NPAS3: variants seen among roughly 807,000 people sequenced by gnomAD.
NPAS3 encodes the protein neuronal PAS domain-containing protein 3.
A neutral mutation model predicts 73.1 loss-of-function variants in NPAS3; 14 were observed. The ratio of observed to expected loss-of-function variants is 0.19; its 90% confidence interval spans 0.13 to 0.30. NPAS3 has a LOEUF of 0.30. Ranked by LOEUF, NPAS3 falls within the 10% of genes least tolerant of loss-of-function variation. NPAS3 has a pLI of 1.00. For synonymous variants in NPAS3, 620 were observed against 541.5 expected, an observed-to-expected ratio of 1.14 and a Z score of -2.01; for missense variants, 1,096 against 1,250.0, an observed-to-expected ratio of 0.88 and a Z score of 1.86.
chr14:33,163,779 C>T lies in NPAS3; in HGVS notation c.141-51403C>T, dbSNP rs531050362. On this transcript the variant is annotated intron_variant, in intron 2 of 11. Transcript: ENST00000356141. ...TGCCAATTCTGCTGATGGGCTTACA[C>T]GCCATTAAGAGATTTTATTCCAGGC... Among the ~76,000 whole-genome samples, 18 of 152,134 alleles carry T rather than the reference C, an allele frequency of 1.2e-4. No individual in the cohort carries two copies. The South Asian group carries it at 2.7e-3, about 23-fold the overall frequency.
chr14:33,316,462 G>A (rs985406490), intron 3 of NPAS3, among the ~76,000 whole-genome samples: 7 of 152,060 alleles, frequency 4.6e-5, no homozygotes, highest in Admixed American at 3.9e-4. Flanking sequence ...AGGCCCTGCA[G>A]ATTTATCATG....
chr14:33,151,212 A>G (rs1185502829), intron 2 of NPAS3, among the ~76,000 whole-genome samples: 4 of 152,222 alleles, frequency 2.6e-5, no homozygotes, highest in African/African-American at 7.2e-5. Flanking sequence ...CAGTTTCTAC[A>G]TGATAGGCAT....
intron 4 of NPAS3, among the ~76,000 whole-genome samples, chr14:33,407,907 C>T (rs2047739357): frequency 1.3e-5 from 2 of 152,168 alleles, no homozygotes; most frequent in South Asian, 4.2e-4. Flanking sequence ...GCTTCATAGC[C>T]TCCAATAATT....
intron 5 of NPAS3, among the ~76,000 whole-genome samples, chr14:33,651,637 G>T (rs994456011): frequency 1.3e-5 from 2 of 152,058 alleles, no homozygotes; most frequent in Admixed American, 6.6e-5. Flanking sequence ...CAGGAGACTT[G>T]TACCTTTTCT....
At chr14:33,277,251 A>G (rs926609928) in intron 3 of NPAS3, among the ~76,000 whole-genome samples, 2 of 152,174 alleles carry the variant, frequency 1.3e-5, no homozygotes, top group Non-Finnish European at 2.9e-5. Flanking sequence ...CAGTGTGGTC[A>G]AATGGAGGAT....
chr14:33,337,342 A>G (rs887669136), intron 3 of NPAS3, among the ~76,000 whole-genome samples: 2 of 152,068 alleles, frequency 1.3e-5, no homozygotes, highest in Non-Finnish European at 2.9e-5. Flanking sequence ...ACATTGTTGG[A>G]AAGATCATCT....
rs2061243301 is a variant in NPAS3, at chr14:33,725,607, G to GTCA, written c.734-9606_734-9604dup. On this transcript the variant is annotated intron_variant, in intron 6 of 11. Transcript: ENST00000356141. ...AGCCCCTACTGCCTACCTCTCTCAT[G>GTCA]TCACCATACTCCTGTCCTGCCATCC... is the stretch of plus-strand genomic sequence containing the variant. Among the ~76,000 whole-genome samples, 3 of 152,134 alleles carry GTCA rather than the reference G, an allele frequency of 2.0e-5. No individual in the cohort carries two copies. The South Asian group carries it at 6.2e-4, about 32-fold the overall frequency.
chr14:32,987,165 G>T (rs538744542), intron 1 of NPAS3, among the ~76,000 whole-genome samples: 3 of 151,626 alleles, frequency 2.0e-5, no homozygotes, highest in South Asian at 2.1e-4. Flanking sequence ...TATAAAAGTC[G>T]GAAGGCTTTA....
At chr14:33,140,041 T>A (rs1350336853) in intron 2 of NPAS3, among the ~76,000 whole-genome samples, 1 of 152,160 alleles carries the variant, frequency 6.6e-6, no homozygotes, top group African/African-American at 2.4e-5. Context: ...TCTTAATAAT[T>A]ATAGTAGTAC....
intron 2 of NPAS3, among the ~76,000 whole-genome samples, chr14:33,099,541 G>A (rs2138876098): frequency 6.6e-6 from 1 of 152,218 alleles, no homozygotes; most frequent in East Asian, 1.9e-4. Flanking sequence ...GTTTGAACAT[G>A]CTTTGTATAA....
chr14:33,434,617 C>G (rs768025720), intron 4 of NPAS3, among the ~76,000 whole-genome samples: 3 of 151,956 alleles, frequency 2.0e-5, no homozygotes, highest in Non-Finnish European at 2.9e-5. Context: ...TTTGTTCTGT[C>G]TTTGTTATTC....
intron 4 of NPAS3, among the ~76,000 whole-genome samples, chr14:33,547,990 G>A (rs867932954): frequency 6.6e-6 from 1 of 152,206 alleles, no homozygotes; most frequent in South Asian, 2.1e-4. Context: ...AACTACTACT[G>A]TAGTAATGAA....
intron 3 of NPAS3, among the ~76,000 whole-genome samples, chr14:33,267,940 G>A (rs758579371): frequency 6.6e-6 from 1 of 152,252 alleles, no homozygotes; most frequent in East Asian, 1.9e-4. Context: ...GAAGAATTTG[G>A]CATCTACTTG....
At chr14:32,939,114 GGCCGCCGCCGCC>G (rs536218835), upstream of NPAS3, 29 of 149,260 alleles carry the variant, frequency 1.9e-4, 1 homozygote, top group East Asian at 3.2e-3. Flanking sequence ...TCAGCAGCAC[GGCCGCCGCCGCC>G]GCCGCCGCCG....
chr14:32,989,275 T>A (rs147969258), intron 1 of NPAS3, among the ~76,000 whole-genome samples: 262 of 152,320 alleles, frequency 1.7e-3, no homozygotes, highest in African/African-American at 5.7e-3. Context: ...TAGGGAAATC[T>A]ATACAGGCTG....
At chr14:33,206,129 A>ATT (rs1221156854) in intron 2 of NPAS3, among the ~76,000 whole-genome samples, 1 of 152,182 alleles carries the variant, frequency 6.6e-6, no homozygotes. Context: ...TATAAATTAA[A>ATT]TAAAAATTTT....
intron 7 of NPAS3, among the ~76,000 whole-genome samples, chr14:33,757,347 C>T (rs1039293220): frequency 6.6e-6 from 1 of 152,140 alleles, no homozygotes; most frequent in Non-Finnish European, 1.5e-5. Context: ...TTGTGTAAGA[C>T]AGGGATGAAG....
chr14:32,970,695 A>G (rs946228664), intron 1 of NPAS3, among the ~76,000 whole-genome samples: 1 of 151,974 alleles, frequency 6.6e-6, no homozygotes, highest in African/African-American at 2.4e-5. Context: ...CCTCCCTCTT[A>G]CCTTCTTCTG....
Position 33,800,729 on chromosome 14 carries a change from A to G in NPAS3, c.2422A>G (p.Arg808Gly). 9.0e-6 allele frequency: 14 copies of G among 1,554,546 alleles called. No homozygotes were observed. The highest frequency in any genetic ancestry group is 1.1e-5 in the Non-Finnish European group (13 of 1,151,710). The stretch of plus-strand genomic sequence containing the variant: ...CAACGTCGTGCTCCCGCTGGTGCAC[A>G]GGGTGACCGGGACCCTGGCCGCCAC... Residue 808 changes from arginine (R) to glycine (G), a missense_variant, in exon 12 of 12, where the codon AGG (arginine) becomes GGG (glycine). By Grantham distance (125) the Arg-to-Gly change is moderately radical. Around this residue, in one of 5 missense-constraint regions of NPAS3, gnomAD observed 698 missense variants for 676.7 expected, o/e 1.03. Transcript: ENST00000356141. This position sits in a 1 kb window ranked among gnomAD's most constrained non-coding sequence, Gnocchi z 6.5.
Sources: gnomAD v4.1 joint callset for allele counts (sites outside exome capture counted in the v4.1 genomes callset) on GRCh38, gnomAD v4.1.1 for gene constraint, gnomAD v4.1.1 regional missense constraint, Gnocchi (gnomAD v3.1) non-coding constraint, MANE v1.5 for transcripts, NCBI Gene and HGNC (gene_info 2026-07-23, HGNC 2026-07-21) for gene names.